The following BCOR variants were observed in gnomAD, a reference collection of about 807,000 sequenced individuals.
The protein encoded by BCOR is BCL6 corepressor, also known as BCL-6 corepressor.
BCOR carries 10 observed loss-of-function variants against 86.7 expected under a neutral mutation model. The ratio of observed to expected loss-of-function variants is 0.12; its 90% CI spans 0.07 to 0.20. BCOR has a LOEUF of 0.20. BCOR is among the 10% of genes least tolerant of loss of function. The probability of loss-of-function intolerance (pLI) is 1.00; values close to 1 mark genes in which losing one functional copy is unlikely to be tolerated. For missense variants in BCOR, 1,259 were observed against 1,452.1 expected, an observed-to-expected ratio of 0.87 and a Z score of 2.16; for synonymous variants, 611 against 609.0, an observed-to-expected ratio of 1.00 and a Z score of -0.05.
intron 7 of BCOR, 91 bp downstream of exon 7, chrX:40,064,245 G>A (rs966187624): frequency 6.1e-6 from 7 of 1,156,166 alleles, no homozygotes; most frequent in Admixed American, 2.2e-5. Context: ...TACGGGGGCA[G>A]CGCGCCGCAC....
chrX:40,057,194 T>C lies in BCOR; in HGVS notation c.4556A>G (p.Tyr1519Cys). ...WLNIVRHLLE[Y>C]GADVNCSAQD... is the part of the protein sequence containing the mutation. ...GGCACTACAGTTGACATCAGCGCCA[T>C]ATTCAAGGAGGTGTCGCACAATGTT... The change falls in exon 11 of 15, where the codon TAT (tyrosine) becomes TGT (cysteine). Residue 1519 changes from tyrosine to cysteine, a missense_variant. Around this residue, in one of 7 missense-constraint regions of BCOR, gnomAD observed 47 missense variants for 102.1 expected, o/e 0.46. Transcript: ENST00000378444. The C allele has an allele frequency of 8.3e-7, 1 of 1,211,869 alleles. No homozygotes were observed.
intron 1 of BCOR, among the ~76,000 whole-genome samples, chrX:40,172,174 G>T (rs1355328562): frequency 8.9e-6 from 1 of 112,811 alleles, no homozygotes; most frequent in Admixed American, 9.3e-5. Context: ...AGACGAGCAG[G>T]GTAGACTACT....
At chrX:40,090,022 C>T (rs1936529857) in intron 1 of BCOR, among the ~76,000 whole-genome samples, 1 of 112,198 alleles carries the variant, frequency 8.9e-6, no homozygotes, top group Non-Finnish European at 1.9e-5. Flanking sequence ...CAGGGCCCAA[C>T]ATCCCCTCCC....
intron 1 of BCOR, among the ~76,000 whole-genome samples, chrX:40,087,524 CCT>C (rs1936414360): frequency 1.8e-5 from 2 of 111,916 alleles, no homozygotes; most frequent in African/African-American, 3.3e-5. Context: ...TGAAACATAC[CCT>C]GTTTTACCCT....
intron 1 of BCOR, among the ~76,000 whole-genome samples, chrX:40,085,099 C>T (rs763343539): frequency 8.8e-6 from 1 of 113,099 alleles, no homozygotes; most frequent in African/African-American, 3.2e-5. Flanking sequence ...GACACGACAC[C>T]GCCAAGGTTA....
chrX:40,170,611 G>T (rs1938600781), intron 1 of BCOR, among the ~76,000 whole-genome samples: 1 of 111,770 alleles, frequency 8.9e-6, no homozygotes, highest in Non-Finnish European at 1.9e-5. Context: ...GCCTCCCAAA[G>T]TGCTAGGATT....
At chrX:40,171,876 G>C (rs905922508) in intron 1 of BCOR, among the ~76,000 whole-genome samples, 1 of 113,160 alleles carries the variant, frequency 8.8e-6, no homozygotes, top group Non-Finnish European at 1.9e-5. Flanking sequence ...GGAAAGGCGT[G>C]TGTTCTGCCT....
intron 1 of BCOR, among the ~76,000 whole-genome samples, chrX:40,136,589 T>A (rs1937686257): frequency 8.9e-6 from 1 of 112,163 alleles, no homozygotes; most frequent in Non-Finnish European, 1.9e-5. Flanking sequence ...CATGTACTTT[T>A]TCTCTCCCCA....
At chrX:40,102,047 C>G (rs1004625276), upstream of BCOR, among the ~76,000 whole-genome samples, 1 of 112,219 alleles carries the variant, frequency 8.9e-6, no homozygotes, top group Non-Finnish European at 1.9e-5. Flanking sequence ...CCCTCTGAAA[C>G]TCAAACGAGG....
At chrX:40,128,401 C>T (rs1405369710) in intron 1 of BCOR, among the ~76,000 whole-genome samples, 1 of 111,178 alleles carries the variant, frequency 9.0e-6, no homozygotes, top group Non-Finnish European at 1.9e-5. Flanking sequence ...CAAAAATTAG[C>T]TCGGCTTGGT....
intron 1 of BCOR, among the ~76,000 whole-genome samples, chrX:40,116,361 G>A (rs1325752180): frequency 9.1e-6 from 1 of 109,935 alleles, no homozygotes; most frequent in African/African-American, 3.3e-5. Context: ...GCCATGTGTG[G>A]TGGTGGGCGC....
At chrX:40,168,667 G>T (rs915293062) in intron 1 of BCOR, among the ~76,000 whole-genome samples, 1 of 112,736 alleles carries the variant, frequency 8.9e-6, no homozygotes, top group African/African-American at 3.2e-5. Flanking sequence ...CTCCCCGGGG[G>T]GCTGCCTGGA....
chrX:40,131,604 G>A (rs183915633), intron 1 of BCOR, among the ~76,000 whole-genome samples: 82 of 111,694 alleles, frequency 7.3e-4, no homozygotes, highest in African/African-American at 2.6e-3. Context: ...CCAAGATCGC[G>A]CCATTGCACT....
At chrX:40,116,126 A>C (rs1029813652) in intron 1 of BCOR, among the ~76,000 whole-genome samples, 5 of 111,870 alleles carry the variant, frequency 4.5e-5, no homozygotes, top group Admixed American at 1.9e-4. Context: ...AATAGCTAGA[A>C]TTTATTAAGG....
intron 1 of BCOR, among the ~76,000 whole-genome samples, chrX:40,154,740 G>A (rs1168693466): frequency 1.8e-5 from 2 of 112,324 alleles, no homozygotes; most frequent in Non-Finnish European, 3.8e-5. Context: ...GGGACCCAGG[G>A]CCGCGGCAGA....
intron 1 of BCOR, among the ~76,000 whole-genome samples, chrX:40,161,764 C>T (rs978753920): frequency 1.8e-5 from 2 of 111,489 alleles, no homozygotes; most frequent in Non-Finnish European, 3.8e-5. Context: ...CCGCCCGCCT[C>T]GGCCTCCCAA....
chrX:40,092,582 C>G (rs1936671539), intron 1 of BCOR, among the ~76,000 whole-genome samples: 1 of 111,703 alleles, frequency 9.0e-6, no homozygotes, highest in Admixed American at 9.5e-5. Flanking sequence ...CAAATTGGAC[C>G]CCAGCAGTGC....
At chrX:40,061,243 T>C (rs1934849982) in intron 10 of BCOR, among the ~76,000 whole-genome samples, 1 of 111,673 alleles carries the variant, frequency 9.0e-6, no homozygotes, top group Non-Finnish European at 1.9e-5. Flanking sequence ...AAGTGTGTGG[T>C]GGGGAGACGC....
At chrX:40,122,938 C>A (rs1937507483) in intron 1 of BCOR, among the ~76,000 whole-genome samples, 1 of 111,517 alleles carries the variant, frequency 9.0e-6, no homozygotes, top group East Asian at 2.8e-4. Flanking sequence ...GCCTGCCTGA[C>A]GAGCGGGACT....
Sources: gnomAD v4.1 joint callset for allele counts (sites outside exome capture counted in the v4.1 genomes callset) on GRCh38, gnomAD v4.1.1 for gene constraint, gnomAD v4.1.1 regional missense constraint, MANE v1.5 for transcripts, NCBI Gene and HGNC (gene_info 2026-07-23, HGNC 2026-07-21) for gene names.